The following PCDH15 variants were observed in gnomAD, a reference collection of about 807,000 sequenced individuals.
PCDH15 encodes the protein protocadherin related 15.
A neutral mutation model predicts 178.5 loss-of-function variants in PCDH15; 129 were observed. The ratio of observed to expected loss-of-function variants is 0.72; its 90% CI spans 0.63 to 0.84. PCDH15 has a LOEUF of 0.84. Among genes scored for constraint, PCDH15 ranks in the 40% least tolerant of loss-of-function variants. The pLI is 0.00. For missense variants in PCDH15, 2,230 were observed against 2,099.9 expected (o/e 1.06, Z -1.21); for synonymous variants, 800 against 732.0 (o/e 1.09, Z -1.50).
At chr10:53,879,093 ATTTG>A (rs1476543884) in intron 26 of PCDH15, among the ~76,000 whole-genome samples, 1 of 98,978 alleles carries the variant, frequency 1.0e-5, no homozygotes, top group Non-Finnish European at 2.3e-5. Context: ...GATCTCTTCT[ATTTG>A]TTCTTTTTTT....
rs549329375 is a variant in PCDH15 at position 55,015,047 on chromosome 10, C to G, written c.-79-117547G>C. ...ATCAGCCTGAGCAACATGGTGAAAC[C>G]CCATCTCTACTAAGAATATAAAAAT... On this transcript the variant is annotated intron_variant, in intron 2 of 5. Transcript: ENST00000458638. Among the ~76,000 whole-genome samples, 6 of 151,908 alleles carry G rather than the reference C, an allele frequency of 3.9e-5. No individual in the cohort carries two copies. In the East Asian group the frequency reaches 9.7e-4, roughly 25 times the overall value.
intron 26 of PCDH15, among the ~76,000 whole-genome samples, chr10:53,897,667 T>C (rs986644555): frequency 7.9e-5 from 12 of 151,978 alleles, no homozygotes; most frequent in Admixed American, 2.0e-4. Flanking sequence ...GGTAACAGAG[T>C]AGCCATTAAA....
intron 2 of PCDH15, among the ~76,000 whole-genome samples, chr10:55,526,376 AAT>A (rs1272607008): frequency 6.6e-6 from 1 of 152,042 alleles, no homozygotes; most frequent in African/African-American, 2.4e-5. Flanking sequence ...GAAAATTCAA[AAT>A]ATTCTTAACA....
At chr10:54,602,216 A>G (rs2092570757) in intron 2 of PCDH15, among the ~76,000 whole-genome samples, 1 of 151,888 alleles carries the variant, frequency 6.6e-6, no homozygotes, top group Admixed American at 6.6e-5. Context: ...CAGTGTATGT[A>G]TTTTCCTGTT....
intron 2 of PCDH15, among the ~76,000 whole-genome samples, chr10:55,509,537 G>A (rs1840833343): frequency 6.6e-6 from 1 of 151,748 alleles, no homozygotes; most frequent in African/African-American, 2.4e-5. Flanking sequence ...TCAATTAGGG[G>A]AGAATCCTCC....
chr10:54,003,736 CAAAAAAAA>C (rs55871741), intron 20 of PCDH15, among the ~76,000 whole-genome samples: 22 of 76,206 alleles, frequency 2.9e-4, no homozygotes, highest in African/African-American at 1.1e-3. Context: ...CAAACTATTC[CAAAAAAAA>C]AAAAAAAAAA....
chr10:54,503,225 ATG>A (rs35951831), intron 3 of PCDH15, among the ~76,000 whole-genome samples: 3,153 of 83,674 alleles, frequency 0.038, 37 homozygotes, highest in Non-Finnish European at 0.038. Flanking sequence ...ATACATATAT[ATG>A]TGTGTGTGTG....
intron 2 of PCDH15, among the ~76,000 whole-genome samples, chr10:54,608,717 T>G (rs2092855818): frequency 6.6e-6 from 1 of 152,080 alleles, no homozygotes. Flanking sequence ...ATTCTGACTT[T>G]CACATTGAAT....
chr10:54,522,920 T>A (rs2083021544), intron 3 of PCDH15, among the ~76,000 whole-genome samples: 1 of 152,188 alleles, frequency 6.6e-6, no homozygotes, highest in African/African-American at 2.4e-5. Flanking sequence ...ATACTAAACT[T>A]TGACTAGGAA....
At chr10:54,573,500 G>C (rs1394060203) in intron 2 of PCDH15, among the ~76,000 whole-genome samples, 1 of 152,102 alleles carries the variant, frequency 6.6e-6, no homozygotes, top group African/African-American at 2.4e-5. Context: ...ATTTTGAATA[G>C]TTTTCTTTGA....
intron 1 of PCDH15, among the ~76,000 whole-genome samples, chr10:54,665,969 A>C (rs1170029349): frequency 6.6e-6 from 1 of 152,028 alleles, no homozygotes; most frequent in East Asian, 1.9e-4. Flanking sequence ...TTTTAAATTC[A>C]AGCTTTTCAG....
chr10:53,840,636 C>A (rs1300395872), intron 28 of PCDH15, 140 bp from the exon 29 acceptor site: 14 of 793,224 alleles, frequency 1.8e-5, no homozygotes, highest in Non-Finnish European at 2.7e-5. Flanking sequence ...GAATATAAAC[C>A]CTTGAAAAAC....
At chr10:54,047,526 C>G (rs2093680564) in intron 18 of PCDH15, among the ~76,000 whole-genome samples, 1 of 151,858 alleles carries the variant, frequency 6.6e-6, no homozygotes, top group African/African-American at 2.4e-5. Flanking sequence ...GAGCATAGTA[C>G]CCAATGGTTG....
At chr10:54,270,664 A>G (rs1564832537) in intron 8 of PCDH15, among the ~76,000 whole-genome samples, 1 of 152,174 alleles carries the variant, frequency 6.6e-6, no homozygotes, top group African/African-American at 2.4e-5. Flanking sequence ...CATGGTGCAA[A>G]ATAATAAAAT....
At chr10:55,505,966 A>G (rs941577989) in intron 2 of PCDH15, among the ~76,000 whole-genome samples, 3 of 151,412 alleles carry the variant, frequency 2.0e-5, no homozygotes, top group South Asian at 2.1e-4. Context: ...TTAGGATTAG[A>G]ATGTAAATGA....
Position 54,062,227 on chromosome 10 carries a change from C to CAAAAAAAAAAAAAAAAAAAAAAAAAAAAA in PCDH15, c.2220+4529_2220+4530insTTTTTTTTTTTTTTTTTTTTTTTTTTTTT, listed in dbSNP as rs72361686. Among the ~76,000 whole-genome samples, 6 of 53,842 alleles carry CAAAAAAAAAAAAAAAAAAAAAAAAAAAAA rather than the reference C, an allele frequency of 1.1e-4. 1 individual carries two copies. The highest frequency in any genetic ancestry group is 1.9e-4 in the Admixed American group (1 of 5,156). 35.3% of individuals were successfully genotyped at this position (53,842 alleles called of 152,430 possible). On this transcript the variant is annotated intron_variant, in intron 18 of 37. Coordinates refer to ENST00000644397, the MANE Select transcript of PCDH15 (RefSeq NM_001384140.1). ...GGGTGACAAGAGTGAGATTCTGTCTCAAAAAAAAAAAAAAAAAAAAAAAAA... is the reference window on the plus strand; with the variant it reads ...GGGTGACAAGAGTGAGATTCTGTCTCAAAAAAAAAAAAAAAAAAAAAAAAAAAAAAAAAAAAAAAAAAAAAAAAAAAAAA...
intron 2 of PCDH15, chr10:55,600,135 T>G (rs1843041297): frequency 3.0e-6 from 1 of 337,188 alleles, no homozygotes; most frequent in Non-Finnish European, 5.4e-6. Flanking sequence ...GAGGCCGAGG[T>G]GGGTGGATCA....
chr10:55,293,953 C>A (rs1208738629), intron 1 of PCDH15, among the ~76,000 whole-genome samples: 3 of 152,084 alleles, frequency 2.0e-5, no homozygotes, highest in Non-Finnish European at 4.4e-5. Flanking sequence ...TTTCTGGTAG[C>A]AATTTAATGT....
At chr10:54,860,367 T>C (rs772456149) in intron 3 of PCDH15, among the ~76,000 whole-genome samples, 2 of 152,160 alleles carry the variant, frequency 1.3e-5, no homozygotes, top group Admixed American at 6.6e-5. Flanking sequence ...GTATACCCAA[T>C]GCTTAGCTCA....
Sources: gnomAD v4.1 joint callset for allele counts (sites outside exome capture counted in the v4.1 genomes callset) on GRCh38, gnomAD v4.1.1 for gene constraint, MANE v1.5 for transcripts, NCBI Gene and HGNC (gene_info 2026-07-23, HGNC 2026-07-21) for gene names.